The following TTC17 variants were observed in gnomAD, a reference collection of about 807,000 sequenced individuals.
The protein encoded by TTC17 is tetratricopeptide repeat protein 17.
A neutral mutation model predicts 143.8 loss-of-function variants in TTC17; 58 were observed. That is an observed-to-expected ratio of 0.40 (90% CI 0.33 to 0.50). The LOEUF (loss-of-function observed/expected upper bound fraction) is 0.50, where lower values mean the gene tolerates loss of function less well. TTC17 is among the 20% of genes least tolerant of loss of function. The pLI is 0.49. For synonymous variants in TTC17, 501 were observed against 497.8 expected (o/e 1.01, Z -0.09); for missense variants, 1,273 against 1,392.5 (o/e 0.91, Z 1.37).
In TTC17 at chr11:43,444,186, A is replaced by G. The variant is rs758212471; in HGVS notation, c.2642A>G (p.Lys881Arg). ...YQANLEITGP[K>R]VASPGPQGKK... Reference sequence around the variant, plus strand: ...GCAAACCTAGAGATCACTGGCCCCAAGGTGGCATCTCCTGGGCCACAAGGT... The same window carrying G: ...GCAAACCTAGAGATCACTGGCCCCAGGGTGGCATCTCCTGGGCCACAAGGT... The change falls in exon 18 of 24, where the codon AAG becomes AGG. Residue 881 changes from lysine (K) to arginine (R), a missense_variant. Physicochemically the swap from Lys to Arg is conservative, Grantham distance 26 (BLOSUM62 2). Transcript: ENST00000039989. 1.1e-5 allele frequency: 18 copies of G among 1,611,340 alleles called. No homozygotes were observed. Among genetic ancestry groups the G allele is most frequent in the East Asian group, 2.2e-5 (1 of 44,792 alleles).
chr11:43,483,429 T>C (rs1485962470), intron 21 of TTC17, among the ~76,000 whole-genome samples: 1 of 152,090 alleles, frequency 6.6e-6, no homozygotes, highest in Non-Finnish European at 1.5e-5. Flanking sequence ...AAGTTAGCAC[T>C]AATCTCACTC....
chr11:43,456,261 T>C (rs1199304161), intron 21 of TTC17, among the ~76,000 whole-genome samples: 2 of 151,982 alleles, frequency 1.3e-5, no homozygotes, highest in African/African-American at 4.8e-5. Flanking sequence ...CTAAATGCTT[T>C]TCCACTGAAG....
chr11:43,474,761 G>A (rs1387683708), intron 21 of TTC17, among the ~76,000 whole-genome samples: 1 of 152,122 alleles, frequency 6.6e-6, no homozygotes, highest in East Asian at 1.9e-4. Context: ...TTGACTGGCA[G>A]CCTTATGATA....
In TTC17 at chr11:43,389,700, GAC is replaced by G; in HGVS notation, c.302_303del (p.Thr101ArgfsTer7). On this transcript the variant is annotated frameshift_variant, in exon 3 of 24. Coordinates refer to ENST00000039989, the MANE Select transcript of TTC17 (RefSeq NM_018259.6). LOFTEE classifies it high-confidence loss of function. ...TCACATAGAAGAGAATGAGGACAGA[GAC>G]ACAGGACTGGAACAGAGACATAATA... ...KIHIEENEDR[D>X]TGLEQRHNKE... 1 of 1,613,508 alleles carries G rather than the reference GAC, an allele frequency of 6.2e-7. No homozygotes were observed. Among genetic ancestry groups the G allele is most frequent in the Non-Finnish European group, 8.5e-7 (1 of 1,179,702 alleles).
intron 2 of TTC17, among the ~76,000 whole-genome samples, chr11:43,384,028 C>G (rs1857075621): frequency 6.6e-6 from 1 of 151,896 alleles, no homozygotes; most frequent in South Asian, 2.1e-4. Flanking sequence ...ACCTGTAGTT[C>G]TAGCTACTGG....
At chr11:43,443,222 T>C in intron 16 of TTC17, 103 bp from the exon 17 acceptor site, 11 of 1,423,612 alleles carry the variant, frequency 7.7e-6, no homozygotes, top group Non-Finnish European at 1.0e-5. Context: ...GTAGTGCCTC[T>C]AAGCAGAGCC....
At chr11:43,424,087 C>CTTT (rs778471979) in intron 16 of TTC17, among the ~76,000 whole-genome samples, 1 of 140,752 alleles carries the variant, frequency 7.1e-6, no homozygotes, top group African/African-American at 2.6e-5. Context: ...ATTCTTTTTC[C>CTTT]TTTTTTTTTT....
chr11:43,459,161 A>G (rs934514732), intron 21 of TTC17, among the ~76,000 whole-genome samples: 1 of 152,180 alleles, frequency 6.6e-6, no homozygotes, highest in Non-Finnish European at 1.5e-5. Flanking sequence ...TACAACCTAC[A>G]TTGTTATGGC....
rs774207437 is a variant in TTC17, at chr11:43,389,834, T to A, written c.419+13T>A. ...GCAAAGACATCAGGTAAAGAAGTTCTCTTTCCAAAAATAAAATTGCTGTTT... is the reference window on the plus strand; with the variant it reads ...GCAAAGACATCAGGTAAAGAAGTTCACTTTCCAAAAATAAAATTGCTGTTT... On this transcript the variant is annotated intron_variant, in intron 3 of 23. Coordinates refer to ENST00000039989, the MANE Select transcript of TTC17 (RefSeq NM_018259.6). 6 of 1,565,622 alleles carry A rather than the reference T, an allele frequency of 3.8e-6. No individual in the cohort carries two copies. The highest frequency in any genetic ancestry group is 5.2e-6 in the Non-Finnish European group (6 of 1,160,042).
At chr11:43,374,672 A>C (rs553339350) in intron 1 of TTC17, among the ~76,000 whole-genome samples, 18 of 151,960 alleles carry the variant, frequency 1.2e-4, no homozygotes, top group African/African-American at 4.4e-4. Context: ...AACATCACTA[A>C]TCACTAGAGA....
Position 43,379,254 on chromosome 11 carries a change from A to G in TTC17, c.181A>G (p.Lys61Glu). The G allele has an allele frequency of 6.2e-7, 1 of 1,612,864 alleles. No homozygotes were observed. Among genetic ancestry groups the G allele is most frequent in the Non-Finnish European group, 8.5e-7 (1 of 1,179,650 alleles). Residue 61 changes from lysine to glutamate, a missense_variant, in exon 2 of 24, where the codon AAG (lysine) becomes GAG (glutamate). By Grantham distance (56) the Lys-to-Glu change is moderately conservative. Coordinates refer to ENST00000039989, the MANE Select transcript of TTC17 (RefSeq NM_018259.6). Reference sequence around the variant, plus strand: ...GCAGGTGGATTCACCAATGAACTTGAAGCATCCTCATGACCTAGTCATATT... The same window carrying G: ...GCAGGTGGATTCACCAATGAACTTGGAGCATCCTCATGACCTAGTCATATT... ...QQQVDSPMNLKHPHDLVILMR... is the reference protein window; with the variant it reads ...QQQVDSPMNLEHPHDLVILMR...
chr11:43,407,249 A>C, intron 14 of TTC17, 34 bp downstream of exon 14: 1 of 1,558,002 alleles, frequency 6.4e-7, no homozygotes, highest in Non-Finnish European at 8.7e-7. Context: ...TAAAACTTAA[A>C]TGCTTCTTAA....
intron 16 of TTC17, among the ~76,000 whole-genome samples, chr11:43,438,157 C>T (rs370194106): frequency 7.9e-5 from 12 of 152,104 alleles, no homozygotes; most frequent in East Asian, 5.8e-4. Context: ...TGCCCAAGGC[C>T]CTATGGTGGT....
At chr11:43,382,174 A>T (rs567113239) in intron 2 of TTC17, among the ~76,000 whole-genome samples, 1 of 152,244 alleles carries the variant, frequency 6.6e-6, no homozygotes, top group South Asian at 2.1e-4. Context: ...GAAATTTTAT[A>T]TTCTTTTAAA....
intron 21 of TTC17, among the ~76,000 whole-genome samples, chr11:43,460,539 A>G (rs1251672098): frequency 5.9e-5 from 9 of 152,174 alleles, no homozygotes; most frequent in Admixed American, 5.2e-4. Context: ...TGTCATGGCA[A>G]TGCCCTGTTT....
At chr11:43,449,934 A>T in intron 19 of TTC17, 148 bp from the exon 20 acceptor site, 1 of 859,700 alleles carries the variant, frequency 1.2e-6, no homozygotes, top group Non-Finnish European at 1.7e-6. Context: ...AAGAAAACTT[A>T]CTTCGTTTAA....
chr11:43,399,123 T>C (rs1452667057), intron 8 of TTC17, among the ~76,000 whole-genome samples: 1 of 152,224 alleles, frequency 6.6e-6, no homozygotes, highest in Non-Finnish European at 1.5e-5. Flanking sequence ...TCTGTAGTTT[T>C]TCCTGGCCTG....
intron 14 of TTC17, 47 bp downstream of exon 14, chr11:43,407,262 A>T: frequency 6.4e-7 from 1 of 1,555,802 alleles, no homozygotes; most frequent in Non-Finnish European, 8.7e-7. Context: ...CTTCTTAATT[A>T]TAAGTAAAAG....
intron 18 of TTC17, chr11:43,446,829 C>A: frequency 3.8e-6 from 1 of 260,768 alleles, no homozygotes; most frequent in Non-Finnish European, 6.0e-6. Flanking sequence ...AGGGCCCACA[C>A]CCAAAAGGTG....
Sources: gnomAD v4.1 joint callset for allele counts (sites outside exome capture counted in the v4.1 genomes callset) on GRCh38, gnomAD v4.1.1 for gene constraint, MANE v1.5 for transcripts, NCBI Gene and HGNC (gene_info 2026-07-23, HGNC 2026-07-21) for gene names.